The following CADM2 variants were observed in gnomAD, a reference collection of about 807,000 sequenced individuals.
The protein encoded by CADM2 is cell adhesion molecule 2, also known as immunoglobulin superfamily member 4D.
Under a neutral mutation model 49.8 loss-of-function variants are expected in CADM2, and 12 were observed. The observed-to-expected ratio is 0.24, with a 90% CI of 0.15 to 0.39. The LOEUF (loss-of-function observed/expected upper bound fraction) is 0.39. Ranked by LOEUF, CADM2 falls within the 10% of genes least tolerant of loss-of-function variation. The probability of loss-of-function intolerance (pLI) is 1.00; values close to 1 mark genes in which losing one functional copy is unlikely to be tolerated. For synonymous variants in CADM2, 214 were observed against 175.4 expected (o/e 1.22, Z -1.74); for missense variants, 378 against 492.3 (o/e 0.77, Z 2.20).
At chr3:85,552,373 T>TTTTTTTTTTG (rs2061831270) in intron 1 of CADM2, among the ~76,000 whole-genome samples, 7 of 16,770 alleles carry the variant, frequency 4.2e-4, no homozygotes, top group African/African-American at 5.8e-4. Context: ...AAAGTTTTTT[T>TTTTTTTTTTG]TTTTTTTTTT....
chr3:86,013,253 G>T lies in CADM2; in HGVS notation c.970+51606G>T, dbSNP rs1731781044. 5 of 1,478,784 alleles carry T rather than the reference G, an allele frequency of 3.4e-6. No individual in the cohort carries two copies. In the South Asian group the frequency reaches 5.9e-5, roughly 17 times the overall value. The allele number at this position is 1,478,784 out of a possible 1,614,324, so 91.6% of individuals were successfully genotyped here. Reference sequence around the variant, plus strand: ...CATAAACCAACAATAGCAATGCTCAGAACCCCAGTGAAGAAGAGGGTGAAG... The same window carrying T: ...CATAAACCAACAATAGCAATGCTCATAACCCCAGTGAAGAAGAGGGTGAAG... On this transcript the variant is annotated intron_variant, in intron 8 of 9. Coordinates refer to ENST00000383699, the MANE Select transcript of CADM2 (RefSeq NM_001167675.2).
intron 1 of CADM2, among the ~76,000 whole-genome samples, chr3:85,011,085 G>T (rs893631449): frequency 2.0e-4 from 31 of 151,498 alleles, no homozygotes; most frequent in African/African-American, 6.5e-4. Flanking sequence ...AGGATGGTCT[G>T]GATCTCCTGA....
rs540383385 is a variant in CADM2 at position 85,832,017 on chromosome 3, G to T, written c.238+29821G>T. On this transcript the variant is annotated intron_variant, in intron 3 of 9. Coordinates refer to ENST00000383699, the MANE Select transcript of CADM2 (RefSeq NM_001167675.2). ...TTTTGGTATATAGTGAAAGGTGAAAGGTAGGGGTTCAGTTTCACTCTTCTG... is the reference window on the plus strand; with the variant it reads ...TTTTGGTATATAGTGAAAGGTGAAATGTAGGGGTTCAGTTTCACTCTTCTG... Among the ~76,000 whole-genome samples the T allele has an allele frequency of 3.3e-5, 5 of 151,992 alleles. No homozygotes were observed. In the East Asian group the frequency reaches 9.7e-4, roughly 30 times the overall value.
intron 1 of CADM2, among the ~76,000 whole-genome samples, chr3:85,077,808 A>G (rs935984200): frequency 2.0e-5 from 3 of 152,106 alleles, no homozygotes; most frequent in African/African-American, 4.8e-5. Context: ...AAAACAGATT[A>G]TTATCTAATG....
rs375469874 is a variant in CADM2 at position 85,027,109 on chromosome 3, C to T, written c.61+67441C>T. Among the ~76,000 whole-genome samples, 31 of 55,684 alleles carry T rather than the reference C, an allele frequency of 5.6e-4. 1 individual carries two copies. Among genetic ancestry groups the T allele is most frequent in the African/African-American group, 1.9e-3 (20 of 10,268 alleles). The allele number at this position is 55,684 out of a possible 152,430, so 36.5% of individuals were successfully genotyped here. The stretch of plus-strand genomic sequence containing the variant: ...TGGTTGTTGTTGCTTTTTCTTTTTC[C>T]TTTTTTTTTTTTTTTTTTTTTTTAA... On this transcript the variant is annotated intron_variant, in intron 1 of 9. Coordinates refer to ENST00000383699, the MANE Select transcript of CADM2 (RefSeq NM_001167675.2).
At chr3:85,712,308 C>G (rs1333473330) in intron 1 of CADM2, among the ~76,000 whole-genome samples, 1 of 152,148 alleles carries the variant, frequency 6.6e-6, no homozygotes, top group Non-Finnish European at 1.5e-5. Context: ...ATCTAATTTG[C>G]TTCCACATGT....
intron 8 of CADM2, among the ~76,000 whole-genome samples, chr3:85,964,487 C>G (rs1306759236): frequency 6.6e-6 from 1 of 151,596 alleles, no homozygotes; most frequent in East Asian, 2.0e-4. Context: ...CACTATTAAG[C>G]ATTATTAAGC....
chr3:85,781,837 T>G (rs777983726), intron 2 of CADM2, among the ~76,000 whole-genome samples: 1 of 152,172 alleles, frequency 6.6e-6, no homozygotes, highest in Non-Finnish European at 1.5e-5. Context: ...AAATTTAAAA[T>G]TAACAATTAG....
intron 1 of CADM2, among the ~76,000 whole-genome samples, chr3:85,118,820 GC>G (rs2038741077): frequency 6.6e-6 from 1 of 152,154 alleles, no homozygotes; most frequent in Non-Finnish European, 1.5e-5. Context: ...CGCGATCTCC[GC>G]TCACTGCAAC....
At chr3:85,863,660 C>T (rs1296022785) in intron 3 of CADM2, among the ~76,000 whole-genome samples, 1 of 152,160 alleles carries the variant, frequency 6.6e-6, no homozygotes, top group Non-Finnish European at 1.5e-5. Context: ...GAGCCAAATA[C>T]ATCATTTTCT....
At chr3:85,404,627 T>G (rs2035286047) in intron 1 of CADM2, among the ~76,000 whole-genome samples, 1 of 152,182 alleles carries the variant, frequency 6.6e-6, no homozygotes, top group African/African-American at 2.4e-5. Context: ...ATCTTTTAAT[T>G]CTATTTTGCA....
intron 1 of CADM2, among the ~76,000 whole-genome samples, chr3:85,456,562 A>G (rs991583063): frequency 2.0e-5 from 3 of 152,176 alleles, no homozygotes; most frequent in Non-Finnish European, 4.4e-5. Flanking sequence ...AAATTTTTAT[A>G]TAGCATACTT....
intron 1 of CADM2, among the ~76,000 whole-genome samples, chr3:85,487,900 T>G (rs1447504664): frequency 6.6e-6 from 1 of 152,088 alleles, no homozygotes; most frequent in African/African-American, 2.4e-5. Flanking sequence ...AGTCCCCACT[T>G]TAGTGAGTAT....
chr3:85,875,823 TAGAAAC>T (rs1387825051), intron 3 of CADM2, among the ~76,000 whole-genome samples: 1 of 152,078 alleles, frequency 6.6e-6, no homozygotes, highest in Non-Finnish European at 1.5e-5. Context: ...AGAACAAAGT[TAGAAAC>T]AGAGGAAGTA....
intron 1 of CADM2, among the ~76,000 whole-genome samples, chr3:85,010,851 CT>C (rs71105001): frequency 0.036 from 1,267 of 35,438 alleles, 1 homozygote; most frequent in African/African-American, 0.05. Context: ...CTGTTTATGT[CT>C]TTTTTTTTTT....
At chr3:85,122,879 G>T (rs2038913450) in intron 1 of CADM2, among the ~76,000 whole-genome samples, 1 of 151,742 alleles carries the variant, frequency 6.6e-6, no homozygotes, top group Admixed American at 6.6e-5. Context: ...TCAAAATTTG[G>T]CTCTTTGGGG....
chr3:85,661,667 TC>T (rs1406701188), intron 1 of CADM2, among the ~76,000 whole-genome samples: 1 of 152,008 alleles, frequency 6.6e-6, no homozygotes, highest in African/African-American at 2.4e-5. Flanking sequence ...AGGGGAGAAT[TC>T]TATATAAACT....
At chr3:85,167,161 A>G (rs1204666813) in intron 1 of CADM2, among the ~76,000 whole-genome samples, 1 of 152,030 alleles carries the variant, frequency 6.6e-6, no homozygotes, top group African/African-American at 2.4e-5. Flanking sequence ...TGTACTTTCA[A>G]AAGATTCCAG....
chr3:85,058,288 T>C (rs1021905490), intron 1 of CADM2, among the ~76,000 whole-genome samples: 2 of 152,128 alleles, frequency 1.3e-5, no homozygotes, highest in East Asian at 1.9e-4. Context: ...CAAGAAAATG[T>C]AAAAAGAAAT....
Sources: allele counts gnomAD v4.1 joint callset (sites outside exome capture counted in the v4.1 genomes callset), GRCh38; gene constraint gnomAD v4.1.1; transcripts MANE v1.5; gene names NCBI Gene and HGNC (gene_info 2026-07-23, HGNC 2026-07-21).